FAT3: variants seen among roughly 807,000 people sequenced by gnomAD.
FAT3 encodes FAT atypical cadherin 3, also known as protocadherin Fat 3.
In FAT3, 95 loss-of-function variants were observed where a neutral mutation model predicts 310.2. The observed-to-expected ratio is 0.31, with a 90% CI of 0.26 to 0.36. The LOEUF (loss-of-function observed/expected upper bound fraction) is 0.36, where lower values mean the gene tolerates loss of function less well. FAT3 is among the 10% of genes least tolerant of loss of function. The probability of loss-of-function intolerance (pLI) is 1.00; values close to 1 mark genes in which losing one functional copy is unlikely to be tolerated. For synonymous variants in FAT3, 2,314 were observed against 2,192.9 expected, an observed-to-expected ratio of 1.06 and a Z score of -1.54; for missense variants, 5,408 against 5,715.6, an observed-to-expected ratio of 0.95 and a Z score of 1.74.
intron 2 of FAT3, among the ~76,000 whole-genome samples, chr11:92,515,619 T>A (rs1953454168): frequency 6.6e-6 from 1 of 152,118 alleles, no homozygotes; most frequent in Non-Finnish European, 1.5e-5. Context: ...TTATATTTAC[T>A]GGATGAGTGA....
intron 19 of FAT3, among the ~76,000 whole-genome samples, chr11:92,852,739 A>G (rs1388072173): frequency 6.6e-6 from 1 of 152,138 alleles, no homozygotes; most frequent in Non-Finnish European, 1.5e-5. Flanking sequence ...ATTTTTTTAC[A>G]CATCCTCAAA....
At chr11:92,846,791 A>G (rs1204026822) in intron 19 of FAT3, among the ~76,000 whole-genome samples, 2 of 152,176 alleles carry the variant, frequency 1.3e-5, no homozygotes, top group African/African-American at 4.8e-5. Context: ...AAAAGCCAGC[A>G]TTTGCTCAAG....
At chr11:92,556,286 G>C (rs1282598589) in intron 3 of FAT3, among the ~76,000 whole-genome samples, 4 of 152,080 alleles carry the variant, frequency 2.6e-5, no homozygotes, top group African/African-American at 9.7e-5. Context: ...TTATCTACCA[G>C]ACTCCTGGAT....
intron 2 of FAT3, among the ~76,000 whole-genome samples, chr11:92,493,407 G>A (rs763984683): frequency 6.6e-6 from 1 of 152,048 alleles, no homozygotes; most frequent in Admixed American, 6.6e-5. Context: ...CCCTGGCCTG[G>A]ACTGAACTCT....
chr11:92,292,113 G>A (rs1292376148), intron 1 of FAT3, among the ~76,000 whole-genome samples: 1 of 151,940 alleles, frequency 6.6e-6, no homozygotes, highest in Non-Finnish European at 1.5e-5. Flanking sequence ...ATTGAACCAC[G>A]GATGTGAAAT....
intron 1 of FAT3, among the ~76,000 whole-genome samples, chr11:92,267,461 G>A (rs978560039): frequency 6.6e-6 from 1 of 152,088 alleles, no homozygotes; most frequent in African/African-American, 2.4e-5. Flanking sequence ...GGTCTCCTTA[G>A]GAACCTGGAA....
chr11:92,225,635 A>AT (rs1863872967), intron 1 of FAT3, among the ~76,000 whole-genome samples: 1 of 152,036 alleles, frequency 6.6e-6, no homozygotes, highest in Admixed American at 6.6e-5. Context: ...GGGGACCCCG[A>AT]GGTGCAAGTT....
At chr11:92,701,354 G>A (rs1944090817) in intron 4 of FAT3, among the ~76,000 whole-genome samples, 1 of 152,312 alleles carries the variant, frequency 6.6e-6, no homozygotes, top group Non-Finnish European at 1.5e-5. Context: ...TAGCTTGATG[G>A]TGTATGGGCT....
intron 2 of FAT3, among the ~76,000 whole-genome samples, chr11:92,385,047 G>A (rs1004759118): frequency 3.9e-5 from 6 of 152,138 alleles, no homozygotes; most frequent in Non-Finnish European, 8.8e-5. Flanking sequence ...CACAGCATGG[G>A]CACACCTAAT....
At chr11:92,845,965 A>G (rs1218072075) in intron 19 of FAT3, among the ~76,000 whole-genome samples, 1 of 152,210 alleles carries the variant, frequency 6.6e-6, no homozygotes, top group East Asian at 1.9e-4. Context: ...TGATTGCATC[A>G]GGTAGAAGCA....
chr11:92,486,779 C>T (rs1291437505), intron 2 of FAT3, among the ~76,000 whole-genome samples: 121 of 152,272 alleles, frequency 7.9e-4, no homozygotes, highest in Non-Finnish European at 7.4e-5. Flanking sequence ...TTTCTTTTCA[C>T]AGAGGTGAAC....
intron 2 of FAT3, among the ~76,000 whole-genome samples, chr11:92,495,583 C>T (rs898030454): frequency 9.2e-5 from 14 of 152,052 alleles, no homozygotes; most frequent in African/African-American, 2.4e-4. Flanking sequence ...TTTACTGAGA[C>T]ACCTAGAAAG....
intron 1 of FAT3, among the ~76,000 whole-genome samples, chr11:92,240,222 G>A (rs2134250139): frequency 6.6e-6 from 1 of 151,228 alleles, no homozygotes. Context: ...ATTGTACTGT[G>A]ACTGAGTTTG....
At chr11:92,572,410 A>G (rs1938216036) in intron 3 of FAT3, among the ~76,000 whole-genome samples, 1 of 152,216 alleles carries the variant, frequency 6.6e-6, no homozygotes, top group Admixed American at 6.6e-5. Flanking sequence ...AATGAACACT[A>G]TGGATAGTTC....
Position 92,385,654 on chromosome 11 carries a change from C to T in FAT3, c.3292+30250C>T, listed in dbSNP as rs1591207033. Among the ~76,000 whole-genome samples the T allele has an allele frequency of 2.0e-5, 3 of 152,092 alleles. No homozygotes were observed. In the East Asian group the frequency reaches 5.8e-4, roughly 29 times the overall value. ...AAGTGCTGGGATTATAGACATCAGC[C>T]ACTGCGCTTGGCTACCTCTTGCTGA... On this transcript the variant is annotated intron_variant, in intron 2 of 27. Transcript: ENST00000525166.
chr11:92,364,063 A>G (rs1948951907), intron 2 of FAT3, among the ~76,000 whole-genome samples: 1 of 152,146 alleles, frequency 6.6e-6, no homozygotes, highest in African/African-American at 2.4e-5. Context: ...TTCATTGTGT[A>G]TCAGGCTTGA....
intron 2 of FAT3, among the ~76,000 whole-genome samples, chr11:92,513,578 C>A (rs969689506): frequency 6.6e-6 from 1 of 152,070 alleles, no homozygotes; most frequent in Non-Finnish European, 1.5e-5. Flanking sequence ...GTAAACAGTG[C>A]AGGGAACTCT....
At chr11:92,275,656 C>G (rs533942531) in intron 1 of FAT3, among the ~76,000 whole-genome samples, 1 of 152,206 alleles carries the variant, frequency 6.6e-6, no homozygotes, top group African/African-American at 2.4e-5. Context: ...CAGAAGACCA[C>G]ACTTAAGTCT....
chr11:92,619,792 CT>C (rs1391338542), intron 3 of FAT3, among the ~76,000 whole-genome samples: 5 of 151,766 alleles, frequency 3.3e-5, no homozygotes, highest in African/African-American at 1.2e-4. Flanking sequence ...ATTTGTTGAG[CT>C]TTTTAAAAAA....
Sources: gnomAD v4.1 joint callset for allele counts (sites outside exome capture counted in the v4.1 genomes callset) on GRCh38, gnomAD v4.1.1 for gene constraint, MANE v1.5 for transcripts, NCBI Gene and HGNC (gene_info 2026-07-23, HGNC 2026-07-21) for gene names.